Variants in RC3H2 observed in about 807,000 individuals in gnomAD.
RC3H2 encodes the protein roquin-2.
Under a neutral mutation model 133.3 loss-of-function variants are expected in RC3H2, and 31 were observed. That is an observed-to-expected ratio of 0.23 (90% CI 0.17 to 0.31). The LOEUF (loss-of-function observed/expected upper bound fraction) is 0.31, where lower values mean the gene tolerates loss of function less well. Ranked by LOEUF, RC3H2 falls within the 10% of genes least tolerant of loss-of-function variation. The pLI is 1.00. For synonymous variants in RC3H2, 517 were observed against 502.2 expected (o/e 1.03, Z -0.40); for missense variants, 1,175 against 1,437.2 (o/e 0.82, Z 2.95).
intron 5 of RC3H2, among the ~76,000 whole-genome samples, chr9:122,881,997 G>A (rs531245779): frequency 6.6e-6 from 1 of 152,310 alleles, no homozygotes; most frequent in African/African-American, 2.4e-5. Flanking sequence ...GCTGAGGCAG[G>A]AGGATGGCCT....
chr9:122,850,649 G>A (rs1829987322), intron 20 of RC3H2, among the ~76,000 whole-genome samples: 2 of 151,612 alleles, frequency 1.3e-5, no homozygotes, highest in Non-Finnish European at 2.9e-5. Flanking sequence ...TCACTATGTT[G>A]GCCAGGCTGC....
At chr9:122,885,002 T>C (rs1314155492) in intron 4 of RC3H2, among the ~76,000 whole-genome samples, 1 of 152,134 alleles carries the variant, frequency 6.6e-6, no homozygotes. Flanking sequence ...GAAAGTGATC[T>C]TGAACTGGAT....
chr9:122,902,450 T>G (rs1349858763), intron 1 of RC3H2, among the ~76,000 whole-genome samples: 2 of 152,182 alleles, frequency 1.3e-5, no homozygotes, highest in Non-Finnish European at 2.9e-5. Flanking sequence ...CTAACATATT[T>G]CTTGGAAGAG....
Position 122,873,327 on chromosome 9 carries a change from A to G in RC3H2, c.1325+4144T>C, listed in dbSNP as rs912110121. On this transcript the variant is annotated intron_variant, in intron 9 of 20. Transcript: ENST00000357244. ...CAATAGAGTGTGAAGCTGGTTGGAA[A>G]TAAGAAGTAAGAACTGTATATTATT... Among the ~76,000 whole-genome samples, 5 of 152,154 alleles carry G rather than the reference A, an allele frequency of 3.3e-5. No individual in the cohort carries two copies. The South Asian group carries it at 6.2e-4, about 19-fold the overall frequency.
chr9:122,890,769 T>A (rs1031221621), intron 3 of RC3H2, among the ~76,000 whole-genome samples: 1 of 152,120 alleles, frequency 6.6e-6, no homozygotes, highest in Admixed American at 6.6e-5. Flanking sequence ...TAAAAATGAC[T>A]CTATTTTTTA....
At chr9:122,867,986 T>G (rs1167438965) in intron 9 of RC3H2, among the ~76,000 whole-genome samples, 2 of 74,178 alleles carry the variant, frequency 2.7e-5, no homozygotes, top group Non-Finnish European at 5.6e-5. Context: ...GTCCGGGAGG[T>G]GAGGGGCGCC....
chr9:122,852,773 C>T (rs1401052096), intron 18 of RC3H2, among the ~76,000 whole-genome samples: 3 of 151,408 alleles, frequency 2.0e-5, no homozygotes, highest in African/African-American at 4.9e-5. Context: ...GGTCAGCCCC[C>T]CGCCTGGCCA....
chr9:122,902,619 AGGTGGGT>A (rs1180395721), intron 1 of RC3H2, among the ~76,000 whole-genome samples: 1 of 152,056 alleles, frequency 6.6e-6, no homozygotes, highest in Non-Finnish European at 1.5e-5. Flanking sequence ...CGGAGGCGGG[AGGTGGGT>A]GGATCACTTG....
At chr9:122,871,178 A>T (rs549676047) in intron 9 of RC3H2, among the ~76,000 whole-genome samples, 1 of 152,304 alleles carries the variant, frequency 6.6e-6, no homozygotes, top group Admixed American at 6.5e-5. Flanking sequence ...TCCTGACTAA[A>T]GCCAGTCTCA....
chr9:122,855,359 T>C lies in RC3H2; in HGVS notation c.2640A>G (p.Leu880=), dbSNP rs755545283. Residue 880 remains leucine, a synonymous_variant, in exon 15 of 21, where the codon TTA becomes TTG. Coordinates refer to ENST00000357244, the MANE Select transcript of RC3H2 (RefSeq NM_001100588.3). ...CTTTTGTCCTTCTCTGGGTTTCAAA[T>C]AAATGTACTCTTCTCTTAACATCAC... is the stretch of plus-strand genomic sequence containing the variant. ...DSGDVKRRVH[L]FETQRRTKEE... 25 of 1,613,814 alleles carry C rather than the reference T, an allele frequency of 1.5e-5. No homozygotes were observed. The highest frequency in any genetic ancestry group is 2.1e-5 in the Non-Finnish European group (25 of 1,180,036).
intron 4 of RC3H2, among the ~76,000 whole-genome samples, chr9:122,884,916 T>C (rs1269846392): frequency 6.6e-6 from 1 of 150,916 alleles, no homozygotes; most frequent in Non-Finnish European, 1.5e-5. Flanking sequence ...AATATCAGTG[T>C]CATGAAAGGC....
rs1453179427 is a variant in RC3H2 at position 122,845,228 on chromosome 9, T to C, written c.*4399A>G. On this transcript the variant is annotated 3_prime_UTR_variant, in exon 21 of 21. Coordinates refer to ENST00000357244, the MANE Select transcript of RC3H2 (RefSeq NM_001100588.3). ...AACAAGAAAAACATTTCTCTTTCAC[T>C]TCCAGGGAAAAGAATATGCAATAAA... is the stretch of plus-strand genomic sequence containing the variant. 1 of 152,238 alleles carries C rather than the reference T, an allele frequency of 6.6e-6. No homozygotes were observed. Among genetic ancestry groups the C allele is most frequent in the South Asian group, 2.1e-4 (1 of 4,830 alleles). 9.4% of individuals were successfully genotyped at this position (152,238 alleles called of 1,614,324 possible). A position where few individuals can be genotyped will look rare whatever the true frequency, so the allele number is the denominator to read the frequency against.
At chr9:122,894,923 T>C (rs1832354665) in intron 2 of RC3H2, among the ~76,000 whole-genome samples, 1 of 152,018 alleles carries the variant, frequency 6.6e-6, no homozygotes, top group African/African-American at 2.4e-5. Context: ...CTGAACGTTC[T>C]AGGCAAAGGT....
At chr9:122,851,022 T>G (rs1364712558) in intron 20 of RC3H2, 59 bp downstream of exon 20, 2 of 1,578,952 alleles carry the variant, frequency 1.3e-6, no homozygotes, top group African/African-American at 1.4e-5. Context: ...AATTTCGCAT[T>G]TTTTTCTCTT....
chr9:122,870,419 A>AC lies in RC3H2; in HGVS notation c.1326-4763_1326-4762insG, dbSNP rs1831032269. On this transcript the variant is annotated intron_variant, in intron 9 of 20. Coordinates refer to ENST00000357244, the MANE Select transcript of RC3H2 (RefSeq NM_001100588.3). The stretch of plus-strand genomic sequence containing the variant: ...AAACAAACAAACAAACAAACAAAAA[A>AC]AAAACAACAAACTGAGATAATCCAC... Among the ~76,000 whole-genome samples the AC allele has an allele frequency of 2.7e-5, 4 of 150,806 alleles. No homozygotes were observed. In the South Asian group the frequency reaches 8.4e-4, roughly 32 times the overall value.
chr9:122,894,581 A>T (rs1386035667), intron 2 of RC3H2, among the ~76,000 whole-genome samples: 1 of 152,060 alleles, frequency 6.6e-6, no homozygotes, highest in Admixed American at 6.6e-5. Context: ...TGAATGAATA[A>T]AGAACATGAA....
intron 13 of RC3H2, among the ~76,000 whole-genome samples, chr9:122,857,108 A>G (rs1305709002): frequency 6.6e-6 from 1 of 152,236 alleles, no homozygotes; most frequent in African/African-American, 2.4e-5. Context: ...TAAATAAGAC[A>G]GTACTGACTG....
At chr9:122,885,950 C>T (rs1372332824) in intron 4 of RC3H2, among the ~76,000 whole-genome samples, 1 of 152,172 alleles carries the variant, frequency 6.6e-6, no homozygotes, top group African/African-American at 2.4e-5. Flanking sequence ...TGCAGTGGCA[C>T]GATCTTCGCT....
At chr9:122,864,027 G>A (rs894616908) in intron 10 of RC3H2, among the ~76,000 whole-genome samples, 2 of 152,170 alleles carry the variant, frequency 1.3e-5, no homozygotes, top group Admixed American at 6.5e-5. Context: ...CTGAGCCACC[G>A]TGCCCAGCCT....
Sources: gnomAD v4.1 joint callset for allele counts (sites outside exome capture counted in the v4.1 genomes callset) on GRCh38, gnomAD v4.1.1 for gene constraint, MANE v1.5 for transcripts, NCBI Gene and HGNC (gene_info 2026-07-23, HGNC 2026-07-21) for gene names.